The following FOCAD variants were observed in gnomAD, a reference collection of about 807,000 sequenced individuals.
FOCAD encodes focadhesin.
In FOCAD, 198 loss-of-function variants were observed where a neutral mutation model predicts 225.6. The observed-to-expected ratio is 0.88, with a 90% confidence interval of 0.78 to 0.99. FOCAD has a LOEUF of 0.99. FOCAD is among the 50% of genes least tolerant of loss of function. The pLI, the probability that FOCAD is intolerant of heterozygous loss-of-function variation, is 0.00. For synonymous variants in FOCAD, 897 were observed against 755.0 expected, an observed-to-expected ratio of 1.19 and a Z score of -3.08; for missense variants, 2,713 against 2,123.6, an observed-to-expected ratio of 1.28 and a Z score of -5.46.
intron 15 of FOCAD, among the ~76,000 whole-genome samples, chr9:20,823,857 T>C (rs1824592453): frequency 6.6e-6 from 1 of 152,132 alleles, no homozygotes; most frequent in Non-Finnish European, 1.5e-5. Flanking sequence ...ACAGCCATAT[T>C]GAGCGTTATG....
At chr9:20,890,281 C>G (rs1216371990) in intron 21 of FOCAD, among the ~76,000 whole-genome samples, 1 of 150,680 alleles carries the variant, frequency 6.6e-6, no homozygotes, top group African/African-American at 2.4e-5. Flanking sequence ...TTCAGTGTTT[C>G]CCTGTTTAAT....
At chr9:20,830,987 C>T (rs1825431016) in intron 15 of FOCAD, among the ~76,000 whole-genome samples, 1 of 151,984 alleles carries the variant, frequency 6.6e-6, no homozygotes. Context: ...CCTATGACTA[C>T]CTTTAAAGGA....
chr9:20,868,029 C>G (rs1829438333), intron 18 of FOCAD, among the ~76,000 whole-genome samples: 1 of 151,954 alleles, frequency 6.6e-6, no homozygotes, highest in African/African-American at 2.4e-5. Flanking sequence ...TGAGGACTTA[C>G]AAAGATAGAT....
intron 27 of FOCAD, among the ~76,000 whole-genome samples, chr9:20,930,272 A>G (rs1240415296): frequency 6.6e-6 from 1 of 152,170 alleles, no homozygotes; most frequent in Admixed American, 6.6e-5. Context: ...TTAGTGCATC[A>G]GTCTGCTTTA....
chr9:20,831,446 G>C (rs1204852552), intron 15 of FOCAD, among the ~76,000 whole-genome samples: 1 of 152,098 alleles, frequency 6.6e-6, no homozygotes, highest in Non-Finnish European at 1.5e-5. Flanking sequence ...GCTGTGCAAG[G>C]CTTTCTGCAT....
chr9:20,722,831 G>T (rs10964675), intron 4 of FOCAD, among the ~76,000 whole-genome samples: 16,920 of 152,138 alleles, frequency 0.11, 1,033 homozygotes, highest in South Asian at 0.19. Context: ...GAAATGCAGG[G>T]ATGGTATTTT....
chr9:20,966,848 T>A (rs890128834), intron 35 of FOCAD, among the ~76,000 whole-genome samples: 1 of 152,122 alleles, frequency 6.6e-6, no homozygotes, highest in Non-Finnish European at 1.5e-5. Context: ...ATTTCTACTC[T>A]CAAGAGTCCA....
At chr9:20,693,177 CTT>C (rs926591858) in intron 1 of FOCAD, among the ~76,000 whole-genome samples, 4 of 152,184 alleles carry the variant, frequency 2.6e-5, no homozygotes, top group Non-Finnish European at 4.4e-5. Context: ...CTCTCTCTCT[CTT>C]ACTTAATCTG....
chr9:20,905,468 C>T (rs951027261), intron 21 of FOCAD, among the ~76,000 whole-genome samples: 3 of 151,848 alleles, frequency 2.0e-5, no homozygotes, highest in African/African-American at 7.3e-5. Context: ...TAAGGGTATT[C>T]TCAGTAGTAC....
intron 1 of FOCAD, among the ~76,000 whole-genome samples, chr9:20,710,336 C>T (rs530944644): frequency 2.0e-5 from 3 of 150,892 alleles, no homozygotes; most frequent in Non-Finnish European, 4.4e-5. Flanking sequence ...TGGCTCACAC[C>T]TGTAATCGCA....
Position 20,739,959 on chromosome 9 carries a change from TG to T in FOCAD, c.288-274del, listed in dbSNP as rs1448642790. Among the ~76,000 whole-genome samples, 5 of 152,296 alleles carry T rather than the reference TG, an allele frequency of 3.3e-5. No individual in the cohort carries two copies. In the South Asian group the frequency reaches 6.2e-4, roughly 19 times the overall value. On this transcript the variant is annotated intron_variant, in intron 4 of 43. Transcript: ENST00000338382. ...AATGTGGTCACTGCTTGAAATTATG[TG>T]GGCTAATGTTTGTTTTTTCCTGATT...
rs201652344 is a variant in FOCAD, at chr9:20,819,927, C to T, written c.1560+27C>T. On this transcript the variant is annotated intron_variant, in intron 12 of 43. Transcript: ENST00000338382. ...TTAGTATGTTAATTAATTTAGTTGG[C>T]GAAAAAAGTGAGTCATGAATAATAC... 254 of 1,322,130 alleles carry T rather than the reference C, an allele frequency of 1.9e-4. 1 individual carries two copies. Among genetic ancestry groups the T allele is most frequent in the Middle Eastern group, 1.9e-4 (1 of 5,370 alleles). The allele number at this position is 1,322,130 out of a possible 1,614,324, so 81.9% of individuals were successfully genotyped here.
chr9:20,871,297 G>GGT (rs1320048834), intron 18 of FOCAD, among the ~76,000 whole-genome samples: 2 of 151,898 alleles, frequency 1.3e-5, no homozygotes, highest in Admixed American at 6.6e-5. Context: ...TTGTTGGTGG[G>GGT]GTGTGTGTGT....
intron 5 of FOCAD, among the ~76,000 whole-genome samples, chr9:20,756,797 C>A (rs1829093733): frequency 6.6e-6 from 1 of 152,152 alleles, no homozygotes; most frequent in Admixed American, 6.6e-5. Context: ...AACTGATGGT[C>A]TGATTGTTAC....
intron 42 of FOCAD, 85 bp from the exon 43 acceptor site, chr9:20,993,168 C>T (rs1841809472): frequency 8.9e-7 from 1 of 1,129,148 alleles, no homozygotes; most frequent in Non-Finnish European, 1.3e-6. Context: ...AAAATCACCT[C>T]ATATATATAG....
At position 20,978,313 on chromosome 9, in the gene FOCAD, A is replaced by G. The variant is rs4977616; in HGVS notation, c.4262-26A>G. ...GAGTCAGGAAAGTAACTATATATTC[A>G]ATTCTTTTCCTTTCTTGACTTTCAG... is the stretch of plus-strand genomic sequence containing the variant. On this transcript the variant is annotated intron_variant, in intron 36 of 43. Transcript: ENST00000338382. 1 allele frequency: 1,480,099 copies of G among 1,487,424 alleles called. 736,748 individuals carry two copies. The highest frequency in any genetic ancestry group is 1 in the East Asian group (42,636 of 42,638). 92.1% of individuals were successfully genotyped at this position (1,487,424 alleles called of 1,614,324 possible).
chr9:20,885,110 T>C lies in FOCAD; in HGVS notation c.2505T>C (p.Gly835=), dbSNP rs1831000358. 7.0e-7 allele frequency: 1 copy of C among 1,438,698 alleles called. No individual in the cohort carries two copies. Among genetic ancestry groups the C allele is most frequent in the Non-Finnish European group, 9.2e-7 (1 of 1,089,084 alleles). 89.1% of individuals were successfully genotyped at this position (1,438,698 alleles called of 1,614,324 possible). ...AAGTCTATATAATTTTTTTTAAAGG[T>C]GGTATGTTATTTTGCTATGATGTTT... is the stretch of plus-strand genomic sequence containing the variant. ...KQPGLKPGLA[G]GMLFCYDVSM... Residue 835 remains glycine, a splice_region_variant and synonymous_variant, in exon 21 of 44, where the codon GGT becomes GGC. Coordinates refer to ENST00000338382, the MANE Select transcript of FOCAD (RefSeq NM_001375567.1).
At chr9:20,906,417 T>C (rs565151690) in intron 21 of FOCAD, among the ~76,000 whole-genome samples, 16 of 152,178 alleles carry the variant, frequency 1.1e-4, no homozygotes, top group Non-Finnish European at 2.4e-4. Flanking sequence ...TGTGATGCAC[T>C]GTGACTGTTT....
chr9:20,880,360 C>T (rs1003723694), intron 19 of FOCAD, among the ~76,000 whole-genome samples: 1 of 152,260 alleles, frequency 6.6e-6, no homozygotes, highest in Middle Eastern at 3.4e-3. Context: ...CCAAGACTTT[C>T]AGAAGAGGAA....
Sources: allele counts gnomAD v4.1 joint callset (sites outside exome capture counted in the v4.1 genomes callset), GRCh38; gene constraint gnomAD v4.1.1; transcripts MANE v1.5; gene names NCBI Gene and HGNC (gene_info 2026-07-23, HGNC 2026-07-21).